Variants in FKBP15 observed in about 807,000 individuals in gnomAD.
The protein encoded by FKBP15 is FK506-binding protein 15.
Under a neutral mutation model 158.1 loss-of-function variants are expected in FKBP15, and 106 were observed. The ratio of observed to expected loss-of-function variants is 0.67; its 90% CI spans 0.57 to 0.79. The LOEUF is 0.79. FKBP15 is among the 30% of genes least tolerant of loss of function. The pLI, the probability that FKBP15 is intolerant of heterozygous loss-of-function variation, is 0.00. For synonymous variants in FKBP15, 547 were observed against 548.6 expected (o/e 1.00, Z 0.04); for missense variants, 1,287 against 1,479.1 (o/e 0.87, Z 2.13).
intron 19 of FKBP15, among the ~76,000 whole-genome samples, chr9:113,180,356 A>C (rs1331116201): frequency 1.3e-5 from 2 of 151,908 alleles, no homozygotes; most frequent in Non-Finnish European, 2.9e-5. Context: ...TGTATTTCTA[A>C]ATTTTCCAGA....
intron 1 of FKBP15, among the ~76,000 whole-genome samples, chr9:113,216,128 G>GAA (rs11330296): frequency 1.6e-5 from 2 of 125,654 alleles, no homozygotes; most frequent in Admixed American, 8.3e-5. Flanking sequence ...AAAGCAAACC[G>GAA]AAAAAAAAAA....
intron 11 of FKBP15, among the ~76,000 whole-genome samples, chr9:113,192,399 C>A (rs572738427): frequency 6.6e-6 from 1 of 152,286 alleles, no homozygotes; most frequent in East Asian, 1.9e-4. Context: ...ATTTGAAGTG[C>A]CTCAGCCACT....
chr9:113,174,730 A>G (rs562754051), intron 21 of FKBP15, 147 bp from the exon 22 acceptor site: 74 of 883,554 alleles, frequency 8.4e-5, no homozygotes, highest in Middle Eastern at 7.1e-4. Flanking sequence ...TAAATATTTA[A>G]CATTCTTGGC....
chr9:113,211,692 G>T, intron 1 of FKBP15, 100 bp from the exon 2 acceptor site: 1 of 700,060 alleles, frequency 1.4e-6, no homozygotes, highest in South Asian at 1.9e-5. Flanking sequence ...ATACCTCCTT[G>T]ACTACATCCC....
In FKBP15 at chr9:113,201,100, AT is replaced by A. The variant is rs11421526; in HGVS notation, c.499-1138del. The stretch of plus-strand genomic sequence containing the variant: ...AATCAAATAAAAACAATGAGGCATC[AT>A]TTTTTTTTTTTTAACCAAGTGAAGA... On this transcript the variant is annotated intron_variant, in intron 6 of 27. Transcript: ENST00000238256. Among the ~76,000 whole-genome samples the A allele has an allele frequency of 8.4e-3, 1,188 of 142,248 alleles. 1 individual carries two copies. The highest frequency in any genetic ancestry group is 0.011 in the Non-Finnish European group (696 of 65,622). 93.3% of individuals were successfully genotyped at this position (142,248 alleles called of 152,430 possible).
At chr9:113,187,947 G>A in intron 13 of FKBP15, 48 bp from the exon 14 acceptor site, 1 of 1,432,646 alleles carries the variant, frequency 7.0e-7, no homozygotes, top group Admixed American at 1.7e-5. Flanking sequence ...TTGCTTCTTG[G>A]TGTGAGTCTA....
At chr9:113,193,766 A>G (rs557274474) in intron 10 of FKBP15, among the ~76,000 whole-genome samples, 9 of 152,282 alleles carry the variant, frequency 5.9e-5, no homozygotes, top group African/African-American at 2.2e-4. Context: ...TTCCATGAGT[A>G]TATAATTTTG....
At chr9:113,211,739 C>G in intron 1 of FKBP15, 147 bp from the exon 2 acceptor site, 1 of 441,356 alleles carries the variant, frequency 2.3e-6, no homozygotes, top group South Asian at 4.8e-5. Context: ...GCTAGGAAAG[C>G]TGATTTAAAA....
intron 11 of FKBP15, among the ~76,000 whole-genome samples, chr9:113,193,050 C>A (rs998192472): frequency 2.6e-5 from 4 of 152,146 alleles, no homozygotes; most frequent in African/African-American, 9.7e-5. Flanking sequence ...TATCTCTAAT[C>A]CTCACAAAAA....
At chr9:113,203,075 G>C (rs747200487) in intron 4 of FKBP15, 40 bp from the exon 5 acceptor site, 1 of 1,353,656 alleles carries the variant, frequency 7.4e-7, no homozygotes, top group Admixed American at 2.0e-5. Context: ...AAAAAAGAGA[G>C]ACAGCAGAAG....
At chr9:113,212,007 C>G (rs1451551899) in intron 1 of FKBP15, among the ~76,000 whole-genome samples, 1 of 152,056 alleles carries the variant, frequency 6.6e-6, no homozygotes, top group East Asian at 1.9e-4. Context: ...GACTACTCCC[C>G]CTCCTGCTTT....
At chr9:113,219,434 G>A (rs1426347109) in intron 1 of FKBP15, among the ~76,000 whole-genome samples, 1 of 152,230 alleles carries the variant, frequency 6.6e-6, no homozygotes, top group Non-Finnish European at 1.5e-5. Flanking sequence ...AGCTAAATCA[G>A]AGAATTGTGG....
chr9:113,201,687 G>C (rs1432638278), intron 6 of FKBP15, among the ~76,000 whole-genome samples: 1 of 152,312 alleles, frequency 6.6e-6, no homozygotes, highest in African/African-American at 2.4e-5. Flanking sequence ...CTGGCACCCT[G>C]ATCTCAGACT....
At chr9:113,212,296 C>T (rs1467511338) in intron 1 of FKBP15, among the ~76,000 whole-genome samples, 1 of 152,138 alleles carries the variant, frequency 6.6e-6, no homozygotes, top group Non-Finnish European at 1.5e-5. Context: ...TCAAGTGATT[C>T]TCCTGCCTCA....
At chr9:113,199,573 T>C (rs4596714) in intron 7 of FKBP15, among the ~76,000 whole-genome samples, 45,048 of 151,928 alleles carry the variant, frequency 0.3, 6,863 homozygotes, top group East Asian at 0.34. Flanking sequence ...CTAGCAAAAA[T>C]AATAGTACTG....
chr9:113,212,305 C>G (rs940320866), intron 1 of FKBP15, among the ~76,000 whole-genome samples: 3 of 152,192 alleles, frequency 2.0e-5, no homozygotes, highest in African/African-American at 7.2e-5. Flanking sequence ...TCTCCTGCCT[C>G]AGCCTCCCAA....
At position 113,176,699 on chromosome 9, in the gene FKBP15, C is replaced by T. The variant is rs750508426; in HGVS notation, c.2087-26G>A. On this transcript the variant is annotated intron_variant, in intron 20 of 27. Coordinates refer to ENST00000238256, the MANE Select transcript of FKBP15 (RefSeq NM_015258.2). ...CTGGGATACAGGAGCAGAGAGACTT[C>T]GCTACAGAACCAAAGCTGTAATGGG... is the stretch of plus-strand genomic sequence containing the variant. 87 of 1,604,048 alleles carry T rather than the reference C, an allele frequency of 5.4e-5. 1 individual carries two copies. Among genetic ancestry groups the T allele is most frequent in the South Asian group, 2.0e-4 (18 of 89,410 alleles).
At chr9:113,210,311 TCC>T (rs1830975073) in intron 2 of FKBP15, among the ~76,000 whole-genome samples, 1 of 148,828 alleles carries the variant, frequency 6.7e-6, no homozygotes, top group African/African-American at 2.5e-5. Flanking sequence ...TAAGGCACAA[TCC>T]TAGTGCCAGT....
chr9:113,183,829 T>A lies in FKBP15; in HGVS notation c.1733A>T (p.Lys578Met), dbSNP rs370833180. The change falls in exon 18 of 28, where the codon AAG becomes ATG. Residue 578 changes from lysine to methionine, a missense_variant. Coordinates refer to ENST00000238256, the MANE Select transcript of FKBP15 (RefSeq NM_015258.2). ...QRIIQENERLKQEILEKSNRI... is the reference protein window; with the variant it reads ...QRIIQENERLMQEILEKSNRI... ...ATTGCTCTTTTCAAGGATCTCTTGC[T>A]TCAATCTTTCATTTTCCTAATTTCA... 1.1e-5 allele frequency: 18 copies of A among 1,612,670 alleles called. No individual in the cohort carries two copies. Among genetic ancestry groups the A allele is most frequent in the Non-Finnish European group, 1.4e-5 (16 of 1,178,978 alleles).
Sources: gnomAD v4.1 joint callset for allele counts (sites outside exome capture counted in the v4.1 genomes callset) on GRCh38, gnomAD v4.1.1 for gene constraint, MANE v1.5 for transcripts, NCBI Gene and HGNC (gene_info 2026-07-23, HGNC 2026-07-21) for gene names.